Variants in TSPEAR observed in about 807,000 individuals in gnomAD.
TSPEAR encodes thrombospondin type laminin G domain and EAR repeats, also known as thrombospondin-type laminin G domain and EAR repeat-containing protein.
A neutral mutation model predicts 71.6 loss-of-function variants in TSPEAR; 69 were observed. That is an observed-to-expected ratio of 0.96 (90% CI 0.79 to 1.18). The LOEUF is 1.18. TSPEAR is among the 50% of genes most tolerant of loss of function. TSPEAR has a pLI of 0.00. For synonymous variants in TSPEAR, 402 were observed against 387.2 expected, an observed-to-expected ratio of 1.04 and a Z score of -0.45; for missense variants, 971 against 894.9, an observed-to-expected ratio of 1.09 and a Z score of -1.09.
chr21:44,551,250 C>T, intron 2 of TSPEAR: 1 of 1,613,888 alleles, frequency 6.2e-7, no homozygotes, highest in Non-Finnish European at 8.5e-7. Context: ...GCTGGTGCAG[C>T]CTGATTGGCA....
intron 11 of TSPEAR, 87 bp from the exon 12 acceptor site, chr21:44,500,023 C>A: frequency 7.2e-7 from 1 of 1,398,320 alleles, no homozygotes; most frequent in Non-Finnish European, 9.5e-7. Flanking sequence ...TGTCAGGGAC[C>A]CAGCAGCTCT....
intron 1 of TSPEAR, among the ~76,000 whole-genome samples, chr21:44,622,193 G>A (rs1033359821): frequency 3.3e-5 from 5 of 152,208 alleles, no homozygotes; most frequent in Admixed American, 6.5e-5. Flanking sequence ...TAGCTGTGTT[G>A]ACTAAAGTAA....
chr21:44,675,135 C>G (rs1555946693), intron 1 of TSPEAR, among the ~76,000 whole-genome samples: 1 of 152,074 alleles, frequency 6.6e-6, no homozygotes. Context: ...AAGAAAAGTA[C>G]AGACCAATAT....
chr21:44,637,166 G>A (rs1240763436), intron 1 of TSPEAR, among the ~76,000 whole-genome samples: 26 of 152,162 alleles, frequency 1.7e-4, no homozygotes, highest in African/African-American at 5.8e-4. Context: ...CAGGGGCGCC[G>A]GTCCTGCCCA....
In TSPEAR at chr21:44,623,092, T is replaced by G. The variant is rs782422578; in HGVS notation, c.83-55087A>C. 6.6e-6 allele frequency among the ~76,000 whole-genome samples: 1 copy of G among 152,174 alleles called. No homozygotes were observed. Among genetic ancestry groups the G allele is most frequent in the Non-Finnish European group, 1.5e-5 (1 of 68,028 alleles). On this transcript the variant is annotated intron_variant, in intron 1 of 11. Transcript: ENST00000323084. The surrounding 1 kb of genome is among the most constrained non-coding windows in gnomAD (Gnocchi z 4.5). ...GCTGAGCAGATGCCAGCGCCATGTT[T>G]CCTGTACAACCTGCAGAACCATGAG... is the stretch of plus-strand genomic sequence containing the variant.
chr21:44,500,776 A>C (rs1555911022), intron 11 of TSPEAR, among the ~76,000 whole-genome samples: 1 of 152,194 alleles, frequency 6.6e-6, no homozygotes, highest in Non-Finnish European at 1.5e-5. Context: ...ATTCATATTT[A>C]TATCTTTTGT....
At chr21:44,669,101 G>A (rs1390986090) in intron 1 of TSPEAR, among the ~76,000 whole-genome samples, 2 of 152,188 alleles carry the variant, frequency 1.3e-5, no homozygotes, top group Non-Finnish European at 2.9e-5. Context: ...AAAATGAAAA[G>A]AGCCTGTGAG....
chr21:44,544,225 T>C (rs1482626650), intron 2 of TSPEAR, among the ~76,000 whole-genome samples: 3 of 152,316 alleles, frequency 2.0e-5, no homozygotes, highest in East Asian at 1.9e-4. Context: ...TTAAGTCATA[T>C]ATTATATGGC....
chr21:44,555,761 C>T (rs1601410249), intron 2 of TSPEAR, among the ~76,000 whole-genome samples: 1 of 152,220 alleles, frequency 6.6e-6, no homozygotes, highest in Middle Eastern at 3.4e-3. Context: ...ACTGATCAGA[C>T]CCAGGACAGA....
rs376820820 is a variant in TSPEAR, at chr21:44,663,407, G to A, written c.82+48026C>T. Among the ~76,000 whole-genome samples, 5 of 152,162 alleles carry A rather than the reference G, an allele frequency of 3.3e-5. 1 individual carries two copies. ...GACAAAAGTATGAAAGCTTATTCCA[G>A]AGAAGTAGGTAGCCTGAATAGTATC... On this transcript the variant is annotated intron_variant, in intron 1 of 11. Transcript: ENST00000323084.
At chr21:44,633,249 A>C (rs1024444693) in intron 1 of TSPEAR, among the ~76,000 whole-genome samples, 2 of 151,560 alleles carry the variant, frequency 1.3e-5, no homozygotes, top group East Asian at 3.9e-4. Context: ...TATAATCTTT[A>C]TTTTCTTCCT....
intron 1 of TSPEAR, among the ~76,000 whole-genome samples, chr21:44,624,626 A>G (rs1446426634): frequency 6.6e-6 from 1 of 152,108 alleles, no homozygotes; most frequent in African/African-American, 2.4e-5. Context: ...TTTTTCCTTC[A>G]TCCTAGGGCG....
rs150792705 is a variant in TSPEAR, at chr21:44,509,263, C to T, written c.1690G>A (p.Val564Ile). 86 of 1,614,020 alleles carry T rather than the reference C, an allele frequency of 5.3e-5. No homozygotes were observed. The highest frequency in any genetic ancestry group is 5.1e-4 in the African/African-American group (38 of 74,996). ...GCGGTCACGTTCAGCTCGTAGATGA[C>T]GGAGTTGATGACATAGGAATCATTC... ...VQNDSYVINS[V>I]IYELNVTAQA... is the part of the protein sequence containing the mutation. Residue 564 changes from valine to isoleucine, a missense_variant, in exon 10 of 12, where the codon GTC (valine) becomes ATC (isoleucine). Coordinates refer to ENST00000323084, the MANE Select transcript of TSPEAR (RefSeq NM_144991.3).
intron 1 of TSPEAR, chr21:44,638,268 A>T: frequency 8.7e-6 from 13 of 1,493,398 alleles, no homozygotes; most frequent in Non-Finnish European, 1.2e-5. Context: ...ACACCCTCAG[A>T]AGGTGGGGCA....
intron 1 of TSPEAR, among the ~76,000 whole-genome samples, chr21:44,671,754 G>C (rs73234804): frequency 0.039 from 5,990 of 152,228 alleles, 129 homozygotes; most frequent in Middle Eastern, 0.085. Flanking sequence ...TGTTATGTCA[G>C]ATGTGCAGAT....
At chr21:44,512,550 G>C (rs139573277) in intron 9 of TSPEAR, among the ~76,000 whole-genome samples, 15 of 152,184 alleles carry the variant, frequency 9.9e-5, no homozygotes, top group Admixed American at 3.9e-4. Context: ...TGGCAGGAGC[G>C]TAGGGTGGAG....
At chr21:44,558,441 G>T (rs2053579018) in intron 2 of TSPEAR, 3 of 1,614,118 alleles carry the variant, frequency 1.9e-6, no homozygotes, top group Non-Finnish European at 1.7e-6. Flanking sequence ...GCAGGGGGAG[G>T]ATGTGCAGCA....
At chr21:44,696,529 A>T (rs1246525315) in intron 1 of TSPEAR, among the ~76,000 whole-genome samples, 2 of 152,226 alleles carry the variant, frequency 1.3e-5, no homozygotes, top group Non-Finnish European at 2.9e-5. Flanking sequence ...CTTGCTCAGA[A>T]TACTTCCTGA....
chr21:44,609,392 T>C lies in TSPEAR; in HGVS notation c.83-41387A>G, dbSNP rs587734415. ...TTCCTTGTACCCATTTTCAGAAAGT[T>C]ACTGGAGGATGTGCTCCACCAAAAC... On this transcript the variant is annotated intron_variant, in intron 1 of 11. Coordinates refer to ENST00000323084, the MANE Select transcript of TSPEAR (RefSeq NM_144991.3). Among the ~76,000 whole-genome samples, 3 of 152,330 alleles carry C rather than the reference T, an allele frequency of 2.0e-5. No individual in the cohort carries two copies. The South Asian group carries it at 6.2e-4, about 32-fold the overall frequency.
Sources: gnomAD v4.1 joint callset for allele counts (sites outside exome capture counted in the v4.1 genomes callset) on GRCh38, gnomAD v4.1.1 for gene constraint, Gnocchi (gnomAD v3.1) non-coding constraint, MANE v1.5 for transcripts, NCBI Gene and HGNC (gene_info 2026-07-23, HGNC 2026-07-21) for gene names.